The following MYO9A variants were observed in gnomAD, a reference collection of about 807,000 sequenced individuals.
MYO9A encodes the protein unconventional myosin-IXa.
A neutral mutation model predicts 293.3 loss-of-function variants in MYO9A; 103 were observed. The observed-to-expected ratio is 0.35, with a 90% CI of 0.30 to 0.41. The LOEUF is 0.41. Among genes scored for constraint, MYO9A ranks in the 10% least tolerant of loss-of-function variants. The pLI is 1.00. For missense variants in MYO9A, 2,685 were observed against 3,033.0 expected, an observed-to-expected ratio of 0.89 and a Z score of 2.69; for synonymous variants, 1,001 against 1,035.7, an observed-to-expected ratio of 0.97 and a Z score of 0.64.
chr15:72,049,033 T>C (rs16956519), intron 1 of MYO9A, among the ~76,000 whole-genome samples: 1,914 of 152,328 alleles, frequency 0.013, 57 homozygotes, highest in Admixed American at 0.057. Flanking sequence ...AACACTGAAA[T>C]GTCATCCAGA....
At position 72,118,039 on chromosome 15, in the gene MYO9A, C is replaced by G. The variant is rs531452702; in HGVS notation, c.-431G>C. 9 of 396,584 alleles carry G rather than the reference C, an allele frequency of 2.3e-5. 1 individual carries two copies. Among genetic ancestry groups the G allele is most frequent in the African/African-American group, 1.2e-4 (6 of 48,626 alleles). 24.6% of individuals were successfully genotyped at this position (396,584 alleles called of 1,614,324 possible). On this transcript the variant is annotated 5_prime_UTR_variant, in exon 1 of 42. Transcript: ENST00000356056. ...GGCTGTCCTGTACTCTCTCAACAGACACAGCCAACCGCCGCCGCGTCCCTT... is the reference window on the plus strand; with the variant it reads ...GGCTGTCCTGTACTCTCTCAACAGAGACAGCCAACCGCCGCCGCGTCCCTT...
chr15:71,934,009 A>C (rs922154193), intron 17 of MYO9A, among the ~76,000 whole-genome samples: 3 of 152,132 alleles, frequency 2.0e-5, no homozygotes, highest in Non-Finnish European at 4.4e-5. Flanking sequence ...TTCAGTTGTT[A>C]GTAGTTTCTT....
chr15:71,994,178 C>G (rs931162652), intron 10 of MYO9A, among the ~76,000 whole-genome samples: 2 of 151,546 alleles, frequency 1.3e-5, no homozygotes, highest in Admixed American at 1.3e-4. Flanking sequence ...TCAAGAGATT[C>G]TAGGTAAAAA....
chr15:72,024,272 TATA>T (rs1195683664), intron 4 of MYO9A, among the ~76,000 whole-genome samples: 2 of 152,174 alleles, frequency 1.3e-5, no homozygotes, highest in African/African-American at 4.8e-5. Context: ...TAAAAGATAG[TATA>T]AATTAATTAA....
chr15:71,907,795 G>T (rs1471061131), intron 19 of MYO9A, among the ~76,000 whole-genome samples: 2 of 151,948 alleles, frequency 1.3e-5, no homozygotes, highest in African/African-American at 4.8e-5. Flanking sequence ...GGGGTTGTTT[G>T]TTTTTTTCTT....
chr15:71,893,337 C>A (rs1161478424), intron 26 of MYO9A: 1 of 467,710 alleles, frequency 2.1e-6, no homozygotes, highest in Non-Finnish European at 3.6e-6. Flanking sequence ...CAGGGATGAC[C>A]AAAAGGAATC....
intron 19 of MYO9A, among the ~76,000 whole-genome samples, 167 bp downstream of exon 19, chr15:71,916,200 ACTT>A (rs1035503140): frequency 6.6e-6 from 1 of 151,762 alleles, no homozygotes; most frequent in African/African-American, 2.4e-5. Context: ...AAGGCATCTG[ACTT>A]TTTTTTTTTC....
In MYO9A at chr15:71,893,759, T is replaced by C; in HGVS notation, c.5062A>G (p.Asn1688Asp). The change falls in exon 26 of 42, where the codon AAC (asparagine) becomes GAC (aspartate). Residue 1688 changes from asparagine to aspartate, a missense_variant. Asn to Asp is a conservative substitution (Grantham distance 23, BLOSUM62 1). Coordinates refer to ENST00000356056, the MANE Select transcript of MYO9A (RefSeq NM_006901.4). Reference sequence around the variant, plus strand: ...TTATGGAGTTGAGGATTTTTACTGTTTAAGGCTTCTTTGCTGACACTTTAA... The same window carrying C: ...TTATGGAGTTGAGGATTTTTACTGTCTAAGGCTTCTTTGCTGACACTTTAA... The part of the protein sequence containing the change: ...SIPLVSKEAL[N>D]SKNPQLHKED... The C allele has an allele frequency of 1.2e-6, 2 of 1,613,770 alleles. No homozygotes were observed.
intron 19 of MYO9A, 38 bp downstream of exon 19, chr15:71,916,332 A>C (rs1309304652): frequency 1.3e-6 from 2 of 1,595,668 alleles, no homozygotes; most frequent in Admixed American, 3.6e-5. Context: ...TCTGAAAGAT[A>C]CAGATTCTTA....
chr15:72,062,095 C>T lies in MYO9A; in HGVS notation c.-71-15461G>A, dbSNP rs562919353. On this transcript the variant is annotated intron_variant, in intron 1 of 41. Coordinates refer to ENST00000356056, the MANE Select transcript of MYO9A (RefSeq NM_006901.4). ...CCAGAACTAACCCAGACCACCAAGG[C>T]AGTACCTCTACGAGTCTGCAAAAGC... 9.2e-5 allele frequency among the ~76,000 whole-genome samples: 14 copies of T among 152,322 alleles called. No homozygotes were observed. In the East Asian group the frequency reaches 2.5e-3, roughly 27 times the overall value.
intron 2 of MYO9A, among the ~76,000 whole-genome samples, chr15:72,035,684 A>T (rs2078023626): frequency 6.6e-6 from 1 of 152,186 alleles, no homozygotes. Flanking sequence ...ACACACCTGT[A>T]ATCTCAGCTA....
intron 13 of MYO9A, among the ~76,000 whole-genome samples, chr15:71,961,622 A>G (rs766298160): frequency 1.3e-5 from 2 of 152,348 alleles, no homozygotes; most frequent in Non-Finnish European, 2.9e-5. Context: ...CTATCACACA[A>G]TAAGTGGAAG....
At position 71,862,485 on chromosome 15, in the gene MYO9A, ATC is replaced by A; in HGVS notation, c.6091+13_6091+14del. On this transcript the variant is annotated intron_variant, in intron 33 of 41. Transcript: ENST00000356056. Reference sequence around the variant, plus strand: ...CAGTGGTTAAAAATATTCCTCAAAGATCTCTCATACTTACATTTGCAAACAGA... The same window carrying A: ...CAGTGGTTAAAAATATTCCTCAAAGATCTCATACTTACATTTGCAAACAGA... 6.5e-7 allele frequency: 1 copy of A among 1,531,016 alleles called. No individual in the cohort carries two copies. Among genetic ancestry groups the A allele is most frequent in the Non-Finnish European group, 9.0e-7 (1 of 1,105,082 alleles). 94.8% of individuals were successfully genotyped at this position (1,531,016 alleles called of 1,614,324 possible).
Position 71,851,369 on chromosome 15 carries a change from T to A in MYO9A, c.6476-11A>T. ...TCCTCTCCTGAAGGCCTAAAAACAG[T>A]AAGAGCAGAAACTAAGACTAAATAT... On this transcript the variant is annotated splice_polypyrimidine_tract_variant and intron_variant, in intron 36 of 41. Coordinates refer to ENST00000356056, the MANE Select transcript of MYO9A (RefSeq NM_006901.4). The A allele has an allele frequency of 6.2e-7, 1 of 1,602,966 alleles. No homozygotes were observed. Among genetic ancestry groups the A allele is most frequent in the Non-Finnish European group, 8.5e-7 (1 of 1,170,834 alleles).
intron 1 of MYO9A, among the ~76,000 whole-genome samples, chr15:72,052,769 C>T (rs2929532): frequency 0.66 from 99,951 of 152,064 alleles, 33,668 homozygotes; most frequent in Middle Eastern, 0.74. Context: ...CTGCCTGCCC[C>T]GCTGCAGCCA....
intron 15 of MYO9A, among the ~76,000 whole-genome samples, chr15:71,940,063 T>C (rs2058736425): frequency 6.6e-6 from 1 of 152,158 alleles, no homozygotes; most frequent in Admixed American, 6.6e-5. Context: ...TCATCTATAC[T>C]AAAAATAAAA....
intron 1 of MYO9A, among the ~76,000 whole-genome samples, chr15:72,084,534 T>G (rs953178527): frequency 6.6e-6 from 1 of 152,224 alleles, no homozygotes; most frequent in Non-Finnish European, 1.5e-5. Flanking sequence ...CTGGTTGTTA[T>G]GCAGACTTGT....
At chr15:71,997,300 A>G (rs868413188) in intron 9 of MYO9A, among the ~76,000 whole-genome samples, 1 of 152,136 alleles carries the variant, frequency 6.6e-6, no homozygotes, top group South Asian at 2.1e-4. Flanking sequence ...GAGTTTTTAT[A>G]TATTTATTAA....
At chr15:72,054,967 G>A (rs2078679343) in intron 1 of MYO9A, among the ~76,000 whole-genome samples, 1 of 151,508 alleles carries the variant, frequency 6.6e-6, no homozygotes, top group African/African-American at 2.4e-5. Flanking sequence ...CAGAATTTGA[G>A]ATAAGATGTG....
Sources: allele counts gnomAD v4.1 joint callset (sites outside exome capture counted in the v4.1 genomes callset), GRCh38; gene constraint gnomAD v4.1.1; transcripts MANE v1.5; gene names NCBI Gene and HGNC (gene_info 2026-07-23, HGNC 2026-07-21).